The following HIP1 variants were observed in gnomAD, a reference collection of about 807,000 sequenced individuals.
The protein encoded by HIP1 is huntingtin interacting protein 1.
In HIP1, 65 loss-of-function variants were observed where a neutral mutation model predicts 147.6. That is an observed-to-expected ratio of 0.44 (90% CI 0.36 to 0.54). The LOEUF (loss-of-function observed/expected upper bound fraction) is 0.54. Ranked by LOEUF, HIP1 falls within the 20% of genes least tolerant of loss-of-function variation. The probability of loss-of-function intolerance (pLI) is 0.00; values close to 1 mark genes in which losing one functional copy is unlikely to be tolerated. For missense variants in HIP1, 1,061 were observed against 1,299.6 expected (o/e 0.82, Z 2.82); for synonymous variants, 479 against 504.0 (o/e 0.95, Z 0.67).
intron 1 of HIP1, among the ~76,000 whole-genome samples, chr7:75,729,869 A>C (rs1801777824): frequency 6.6e-6 from 1 of 152,216 alleles, no homozygotes; most frequent in African/African-American, 2.4e-5. Flanking sequence ...GAGGGCAGGC[A>C]GGATGAGATG....
At chr7:75,706,623 ATTTTTTTT>A (rs71082342) in intron 1 of HIP1, among the ~76,000 whole-genome samples, 1 of 103,640 alleles carries the variant, frequency 9.6e-6, no homozygotes, top group African/African-American at 3.9e-5. Flanking sequence ...TCAACTCGTC[ATTTTTTTT>A]TTTTTTTTTT....
intron 1 of HIP1, among the ~76,000 whole-genome samples, chr7:75,660,780 CAA>C (rs1218577202): frequency 6.6e-6 from 1 of 152,112 alleles, no homozygotes; most frequent in African/African-American, 2.4e-5. Flanking sequence ...AAAAAGCAAA[CAA>C]TGACAAAAAA....
At chr7:75,581,667 T>C (rs1796054797) in intron 6 of HIP1, among the ~76,000 whole-genome samples, 1 of 152,146 alleles carries the variant, frequency 6.6e-6, no homozygotes, top group Non-Finnish European at 1.5e-5. Context: ...TAATCCCAGC[T>C]ACTCGGGAGG....
intron 27 of HIP1, among the ~76,000 whole-genome samples, chr7:75,543,969 G>A (rs894710618): frequency 1.3e-5 from 2 of 152,074 alleles, no homozygotes; most frequent in South Asian, 2.1e-4. Context: ...TCAGGAGATC[G>A]AGGCCATCCT....
chr7:75,550,118 C>G (rs587641105), intron 22 of HIP1, among the ~76,000 whole-genome samples: 1 of 152,256 alleles, frequency 6.6e-6, no homozygotes, highest in East Asian at 1.9e-4. Context: ...GTTATGGTAA[C>G]AAATGGCAGG....
intron 1 of HIP1, among the ~76,000 whole-genome samples, chr7:75,621,664 G>C (rs587657731): frequency 1.9e-4 from 29 of 152,346 alleles, no homozygotes; most frequent in African/African-American, 6.7e-4. Context: ...AGGGACCACA[G>C]TGAAGACTCT....
At chr7:75,540,885 A>G (rs1164677200) in intron 29 of HIP1, among the ~76,000 whole-genome samples, 1 of 152,216 alleles carries the variant, frequency 6.6e-6, no homozygotes, top group East Asian at 1.9e-4. Context: ...CAGTGTTTAT[A>G]GTAAGACTAT....
At chr7:75,547,126 TTGGAA>T in intron 24 of HIP1, 94 bp from the exon 25 acceptor site, 1 of 1,052,864 alleles carries the variant, frequency 9.5e-7, no homozygotes, top group South Asian at 1.4e-5. Context: ...AAAGGCAAGC[TTGGAA>T]TGGGAAAGGG....
chr7:75,637,912 T>C (rs891306797), intron 1 of HIP1, among the ~76,000 whole-genome samples: 2 of 147,856 alleles, frequency 1.4e-5, no homozygotes, highest in African/African-American at 2.5e-5. Context: ...AAAAGTAATA[T>C]AATTCTGAAC....
chr7:75,608,379 G>A (rs1418519976), intron 1 of HIP1, among the ~76,000 whole-genome samples: 1 of 152,178 alleles, frequency 6.6e-6, no homozygotes, highest in Admixed American at 6.6e-5. Context: ...TTTTGATACG[G>A]TTGATGAACA....
intron 2 of HIP1, among the ~76,000 whole-genome samples, chr7:75,595,219 T>TCTTTCTTC (rs1554501634): frequency 7.7e-5 from 7 of 90,526 alleles, no homozygotes; most frequent in Non-Finnish European, 1.2e-4. Flanking sequence ...TTTCTTTCTT[T>TCTTTCTTC]CTTTCTTTCT....
chr7:75,708,490 C>A (rs1801069005), intron 1 of HIP1, among the ~76,000 whole-genome samples: 1 of 152,034 alleles, frequency 6.6e-6, no homozygotes, highest in Non-Finnish European at 1.5e-5. Context: ...TTAGGTCTTA[C>A]ATTTAGGTCA....
intron 1 of HIP1, among the ~76,000 whole-genome samples, chr7:75,618,177 T>C (rs1411945876): frequency 1.3e-5 from 2 of 152,176 alleles, no homozygotes; most frequent in Admixed American, 6.5e-5. Context: ...TGAGACACAG[T>C]TTCACTGTCA....
At chr7:75,579,378 G>A (rs782760390) in intron 7 of HIP1, among the ~76,000 whole-genome samples, 2 of 151,936 alleles carry the variant, frequency 1.3e-5, no homozygotes, top group African/African-American at 2.4e-5. Flanking sequence ...TGCAAACTCC[G>A]CCTCCTGAGT....
intron 8 of HIP1, among the ~76,000 whole-genome samples, chr7:75,569,012 A>C (rs896296321): frequency 1.3e-5 from 2 of 152,070 alleles, no homozygotes; most frequent in Non-Finnish European, 2.9e-5. Context: ...GTCAAAAAAA[A>C]GAACAAGGGA....
chr7:75,548,990 G>A lies in HIP1; in HGVS notation c.2307C>T (p.Pro769=). 6.2e-7 allele frequency: 1 copy of A among 1,613,014 alleles called. No individual in the cohort carries two copies. The highest frequency in any genetic ancestry group is 8.5e-7 in the Non-Finnish European group (1 of 1,179,042). The part of the protein sequence containing the change: ...KIKAIGEELL[P]RGLDIKQEEL... Reference sequence around the variant, plus strand: ...CCTCCTGCTTGATGTCCAGTCCCCTGGGCAGGAGCTCCTGTGAACACATCA... The same window carrying A: ...CCTCCTGCTTGATGTCCAGTCCCCTAGGCAGGAGCTCCTGTGAACACATCA... Residue 769 remains proline, a synonymous_variant, in exon 23 of 31, where the codon CCC becomes CCT. Coordinates refer to ENST00000336926, the MANE Select transcript of HIP1 (RefSeq NM_005338.7).
At chr7:75,547,962 A>C in intron 23 of HIP1, 149 bp from the exon 24 acceptor site, 1 of 740,096 alleles carries the variant, frequency 1.4e-6, no homozygotes, top group Non-Finnish European at 2.4e-6. Context: ...TGAGAGAGTC[A>C]GAAAAGAATC....
intron 1 of HIP1, among the ~76,000 whole-genome samples, chr7:75,717,017 C>G (rs1801344621): frequency 6.6e-6 from 1 of 152,040 alleles, no homozygotes; most frequent in Admixed American, 6.6e-5. Context: ...TGGGGTCTCA[C>G]TATATTGCCC....
intron 1 of HIP1, among the ~76,000 whole-genome samples, chr7:75,610,234 G>C (rs1797385116): frequency 6.7e-6 from 1 of 148,280 alleles, no homozygotes; most frequent in South Asian, 2.1e-4. Flanking sequence ...TAAGAAACAG[G>C]GTCCTGTTCT....
Sources: allele counts gnomAD v4.1 joint callset (sites outside exome capture counted in the v4.1 genomes callset), GRCh38; gene constraint gnomAD v4.1.1; transcripts MANE v1.5; gene names NCBI Gene and HGNC (gene_info 2026-07-23, HGNC 2026-07-21).